The following COL22A1 variants were observed in gnomAD, a reference collection of about 807,000 sequenced individuals.
The protein encoded by COL22A1 is collagen alpha-1(XXII) chain.
In COL22A1, 221 loss-of-function variants were observed where a neutral mutation model predicts 248.9. The observed-to-expected ratio is 0.89, with a 90% CI of 0.80 to 0.99. The LOEUF (loss-of-function observed/expected upper bound fraction) is 0.99. Ranked by LOEUF, COL22A1 falls within the 50% of genes least tolerant of loss-of-function variation. COL22A1 has a pLI of 0.00. For missense variants in COL22A1, 2,240 were observed against 2,179.0 expected (o/e 1.03, Z -0.56); for synonymous variants, 891 against 793.4 (o/e 1.12, Z -2.07).
At chr8:138,883,709 C>T (rs1824422457) in intron 1 of COL22A1, among the ~76,000 whole-genome samples, 1 of 151,844 alleles carries the variant, frequency 6.6e-6, no homozygotes, top group African/African-American at 2.4e-5. Context: ...GTTCTTCCTG[C>T]TCTCTCACAT....
chr8:138,599,693 C>G (rs1464956527), intron 60 of COL22A1, among the ~76,000 whole-genome samples: 1 of 152,048 alleles, frequency 6.6e-6, no homozygotes, highest in Non-Finnish European at 1.5e-5. Context: ...CCACTGCACT[C>G]TAGCCTGCGT....
intron 23 of COL22A1, among the ~76,000 whole-genome samples, chr8:138,737,051 G>A (rs377753521): frequency 7.9e-5 from 12 of 152,208 alleles, no homozygotes; most frequent in African/African-American, 2.4e-4. Flanking sequence ...GTGCTCCAGC[G>A]GCACCACATG....
At chr8:138,711,134 T>C (rs1014811026) in intron 30 of COL22A1, among the ~76,000 whole-genome samples, 3 of 151,832 alleles carry the variant, frequency 2.0e-5, no homozygotes, top group African/African-American at 7.3e-5. Context: ...GATCAATGGG[T>C]GTTAGGGTTG....
At chr8:138,607,913 C>T (rs770615807) in intron 57 of COL22A1, 23 bp downstream of exon 57, 2 of 1,612,456 alleles carry the variant, frequency 1.2e-6, no homozygotes, top group Non-Finnish European at 1.7e-6. Context: ...GATGCCATCA[C>T]ATAGCAGCCA....
At chr8:138,786,996 G>A (rs1815587418) in intron 12 of COL22A1, among the ~76,000 whole-genome samples, 1 of 152,222 alleles carries the variant, frequency 6.6e-6, no homozygotes, top group South Asian at 2.1e-4. Context: ...TAACTTCTAT[G>A]AGCCTCTCAT....
intron 22 of COL22A1, among the ~76,000 whole-genome samples, chr8:138,745,084 C>T (rs1383098585): frequency 1.3e-5 from 2 of 152,212 alleles, no homozygotes; most frequent in Non-Finnish European, 2.9e-5. Context: ...ATATTTCTCA[C>T]TGTGAGTCTC....
At chr8:138,756,663 C>T (rs1057174314) in intron 18 of COL22A1, among the ~76,000 whole-genome samples, 12 of 152,162 alleles carry the variant, frequency 7.9e-5, no homozygotes, top group Middle Eastern at 3.4e-3. Context: ...AATGAATCAC[C>T]AATTAAAGCT....
chr8:138,640,070 C>T (rs1821535144), intron 47 of COL22A1, among the ~76,000 whole-genome samples: 2 of 152,204 alleles, frequency 1.3e-5, no homozygotes, highest in Non-Finnish European at 2.9e-5. Context: ...ATCAGCTTGG[C>T]TATCTAAAAG....
chr8:138,640,871 G>A (rs1026493124), intron 47 of COL22A1, among the ~76,000 whole-genome samples: 1 of 152,150 alleles, frequency 6.6e-6, no homozygotes, highest in African/African-American at 2.4e-5. Context: ...CCTATAATTA[G>A]CAAGGAAAAT....
intron 4 of COL22A1, among the ~76,000 whole-genome samples, chr8:138,841,796 G>T (rs1289419246): frequency 6.6e-6 from 1 of 152,188 alleles, no homozygotes; most frequent in Admixed American, 6.5e-5. Context: ...CAAAGGAAGT[G>T]CAATTTTCTT....
intron 3 of COL22A1, among the ~76,000 whole-genome samples, chr8:138,862,537 T>C (rs538732767): frequency 3.8e-5 from 2 of 51,984 alleles, no homozygotes; most frequent in Non-Finnish European, 3.5e-5. Flanking sequence ...CTTCTTCCTT[T>C]TTTCTTACCC....
At chr8:138,890,978 G>A (rs548011811) in intron 1 of COL22A1, among the ~76,000 whole-genome samples, 1 of 151,814 alleles carries the variant, frequency 6.6e-6, no homozygotes, top group African/African-American at 2.4e-5. Context: ...AGCTGAGATC[G>A]TTCCACCATA....
intron 17 of COL22A1, among the ~76,000 whole-genome samples, chr8:138,761,358 T>C (rs1833474077): frequency 1.3e-5 from 2 of 152,218 alleles, no homozygotes; most frequent in Admixed American, 1.3e-4. Context: ...TAACTGGTCA[T>C]TTGAGTCAGG....
In COL22A1 at chr8:138,705,186, G is replaced by A. The variant is rs181553185; in HGVS notation, c.2518-1839C>T. 8.2e-3 allele frequency among the ~76,000 whole-genome samples: 1,247 copies of A among 152,288 alleles called. 5 individuals carry two copies. The highest frequency in any genetic ancestry group is 0.014 in the Middle Eastern group (4 of 294). Reference sequence around the variant, plus strand: ...GTACCTGAAAGTGACGGGGAGAATGGAACCAAGTTGGAAAACACTCTTCAG... The same window carrying A: ...GTACCTGAAAGTGACGGGGAGAATGAAACCAAGTTGGAAAACACTCTTCAG... On this transcript the variant is annotated intron_variant, in intron 30 of 64. Coordinates refer to ENST00000303045, the MANE Select transcript of COL22A1 (RefSeq NM_152888.3).
At position 138,606,315 on chromosome 8, in the gene COL22A1, G is replaced by A. The variant is rs972332712; in HGVS notation, c.4104+66C>T. ...GAGGACACAGGAGGTGGCAGGGAAG[G>A]TACTGCATGTGAACATCACTACCTG... On this transcript the variant is annotated intron_variant, in intron 58 of 64. Coordinates refer to ENST00000303045, the MANE Select transcript of COL22A1 (RefSeq NM_152888.3). The A allele has an allele frequency of 4.3e-6, 6 of 1,382,434 alleles. No homozygotes were observed. The African/African-American group carries it at 5.7e-5, about 13-fold the overall frequency. 85.6% of individuals were successfully genotyped at this position (1,382,434 alleles called of 1,614,324 possible). A position where few individuals can be genotyped will look rare whatever the true frequency, so the allele number is the denominator to read the frequency against.
chr8:138,707,107 T>A (rs1353475660), intron 30 of COL22A1, among the ~76,000 whole-genome samples: 1 of 152,132 alleles, frequency 6.6e-6, no homozygotes, highest in East Asian at 1.9e-4. Flanking sequence ...AATCCCTGAA[T>A]AGAACAATAA....
Position 138,878,154 on chromosome 8 carries a change from C to A in COL22A1, c.254G>T (p.Arg85Leu), listed in dbSNP as rs1163484782. The part of the protein sequence containing the change: ...TRVGVVRYSD[R>L]PTTAFELGLF... ...TCCCAACTCGAAGGCCGTGGTGGGC[C>A]GGTCGCTGTAGCGCACGACCCCCAC... The change falls in exon 3 of 65, where the codon CGG becomes CTG. Residue 85 changes from arginine to leucine, a missense_variant. Coordinates refer to ENST00000303045, the MANE Select transcript of COL22A1 (RefSeq NM_152888.3). 13 of 1,605,400 alleles carry A rather than the reference C, an allele frequency of 8.1e-6. No homozygotes were observed. Among genetic ancestry groups the A allele is most frequent in the African/African-American group, 1.3e-5 (1 of 74,884 alleles).
At chr8:138,854,970 T>C (rs1821912423) in intron 3 of COL22A1, among the ~76,000 whole-genome samples, 1 of 151,946 alleles carries the variant, frequency 6.6e-6, no homozygotes, top group Non-Finnish European at 1.5e-5. Flanking sequence ...GTGATGGTGA[T>C]GGTGGGAGGG....
intron 5 of COL22A1, among the ~76,000 whole-genome samples, chr8:138,828,689 G>T (rs1408099649): frequency 4.6e-5 from 7 of 151,910 alleles, no homozygotes; most frequent in Non-Finnish European, 8.8e-5. Flanking sequence ...GGCAGAGCTT[G>T]CAGTGAGCCA....
Sources: allele counts gnomAD v4.1 joint callset (sites outside exome capture counted in the v4.1 genomes callset), GRCh38; gene constraint gnomAD v4.1.1; transcripts MANE v1.5; gene names NCBI Gene and HGNC (gene_info 2026-07-23, HGNC 2026-07-21).